MRPS28: variants seen among roughly 807,000 people sequenced by gnomAD.
MRPS28 encodes small ribosomal subunit protein bS1m.
A neutral mutation model predicts 10.8 loss-of-function variants in MRPS28; 7 were observed. The observed-to-expected ratio is 0.65, with a 90% CI of 0.37 to 1.22. The LOEUF (loss-of-function observed/expected upper bound fraction) is 1.22. MRPS28 is among the 50% of genes most tolerant of loss of function. The pLI is 0.02. For synonymous variants in MRPS28, 121 were observed against 93.3 expected, an observed-to-expected ratio of 1.30 and a Z score of -1.71; for missense variants, 265 against 232.9, an observed-to-expected ratio of 1.14 and a Z score of -0.90.
intron 1 of MRPS28, among the ~76,000 whole-genome samples, chr8:80,004,241 G>C (rs1563539804): frequency 6.6e-6 from 1 of 152,198 alleles, no homozygotes; most frequent in Non-Finnish European, 1.5e-5. Flanking sequence ...CCCCCAAGTA[G>C]GGGCAGACTG....
At chr8:79,954,713 G>A (rs191697019) in intron 2 of MRPS28, among the ~76,000 whole-genome samples, 258 of 152,296 alleles carry the variant, frequency 1.7e-3, no homozygotes, top group African/African-American at 5.3e-3. Context: ...TGAAAACTTT[G>A]TGGGCTTTTT....
chr8:79,999,224 G>A (rs942042308), intron 2 of MRPS28, among the ~76,000 whole-genome samples: 7 of 152,206 alleles, frequency 4.6e-5, no homozygotes, highest in Non-Finnish European at 7.4e-5. Context: ...CAGAGAACAC[G>A]TGTCCAGCCC....
intron 2 of MRPS28, among the ~76,000 whole-genome samples, chr8:79,932,282 G>A (rs1563519386): frequency 6.6e-6 from 1 of 152,132 alleles, no homozygotes; most frequent in Admixed American, 6.5e-5. Context: ...TAAAAATAAA[G>A]TGATATGTTA....
At chr8:79,969,774 G>T (rs1404515082) in intron 2 of MRPS28, among the ~76,000 whole-genome samples, 1 of 152,116 alleles carries the variant, frequency 6.6e-6, no homozygotes, top group South Asian at 2.1e-4. Flanking sequence ...TTACGGTTAT[G>T]TAAGGTAAGA....
chr8:79,920,449 C>A (rs1019637721), intron 2 of MRPS28, among the ~76,000 whole-genome samples: 2 of 152,152 alleles, frequency 1.3e-5, no homozygotes, highest in African/African-American at 4.8e-5. Context: ...CTCTCCAGCA[C>A]CTGTTGTTTC....
At chr8:79,983,078 T>G (rs1157232248) in intron 2 of MRPS28, among the ~76,000 whole-genome samples, 1 of 151,462 alleles carries the variant, frequency 6.6e-6, no homozygotes, top group Non-Finnish European at 1.5e-5. Context: ...AGACAAAACT[T>G]TCAGAGGAAC....
intron 2 of MRPS28, among the ~76,000 whole-genome samples, chr8:79,978,738 AG>A (rs1317970720): frequency 1.3e-5 from 2 of 152,230 alleles, no homozygotes; most frequent in Admixed American, 6.5e-5. Context: ...ATAAATACGC[AG>A]TTTCCAAGAA....
At chr8:79,941,580 C>G (rs1306310843) in intron 2 of MRPS28, among the ~76,000 whole-genome samples, 2 of 152,114 alleles carry the variant, frequency 1.3e-5, no homozygotes, top group African/African-American at 4.8e-5. Context: ...AATTTCCTGT[C>G]CCTAGTCCTT....
chr8:79,979,356 A>G (rs574451025), intron 2 of MRPS28, among the ~76,000 whole-genome samples: 2 of 152,300 alleles, frequency 1.3e-5, no homozygotes, highest in African/African-American at 2.4e-5. Flanking sequence ...AGCAGCCACA[A>G]TGAAAAAGTT....
intron 2 of MRPS28, among the ~76,000 whole-genome samples, chr8:79,950,295 T>C (rs1414382708): frequency 6.6e-6 from 1 of 152,192 alleles, no homozygotes; most frequent in Non-Finnish European, 1.5e-5. Context: ...TGGTCTTCAA[T>C]GCATTCTCTA....
At chr8:79,999,424 T>C (rs1159233703) in intron 2 of MRPS28, among the ~76,000 whole-genome samples, 1 of 152,228 alleles carries the variant, frequency 6.6e-6, no homozygotes, top group African/African-American at 2.4e-5. Flanking sequence ...GTAACCAAAA[T>C]AGTAATTATG....
chr8:79,927,113 A>G (rs1026788806), intron 2 of MRPS28, among the ~76,000 whole-genome samples: 2 of 152,242 alleles, frequency 1.3e-5, no homozygotes, highest in African/African-American at 2.4e-5. Context: ...TGTGTTTTAA[A>G]TATCAGCTAT....
At position 79,966,207 on chromosome 8, in the gene MRPS28, T is replaced by C. The variant is rs139705454; in HGVS notation, c.395+36792A>G. Among the ~76,000 whole-genome samples the C allele has an allele frequency of 7.9e-5, 12 of 152,134 alleles. No homozygotes were observed. In the East Asian group the frequency reaches 2.3e-3, roughly 29 times the overall value. ...ACAAATCAAAAAATAAACAGAACACTGAAGCTGGGTTTTGCAGAACTTGAG... is the reference window on the plus strand; with the variant it reads ...ACAAATCAAAAAATAAACAGAACACCGAAGCTGGGTTTTGCAGAACTTGAG... On this transcript the variant is annotated intron_variant, in intron 2 of 2. Transcript: ENST00000276585.
intron 2 of MRPS28, among the ~76,000 whole-genome samples, chr8:79,995,538 C>T (rs186848731): frequency 1.1e-3 from 172 of 152,248 alleles, no homozygotes; most frequent in African/African-American, 3.9e-3. Context: ...CCAAAACACT[C>T]GGCACCTTGA....
At chr8:80,021,088 C>T (rs868175277) in intron 1 of MRPS28, among the ~76,000 whole-genome samples, 4 of 151,768 alleles carry the variant, frequency 2.6e-5, no homozygotes, top group African/African-American at 2.4e-5. Flanking sequence ...CTGCAACCTC[C>T]GCCTCCCATG....
intron 2 of MRPS28, among the ~76,000 whole-genome samples, chr8:79,971,671 ATG>A (rs1807637697): frequency 6.6e-6 from 1 of 152,166 alleles, no homozygotes; most frequent in South Asian, 2.1e-4. Context: ...AGATTCAGAC[ATG>A]TTGTATCACG....
intron 2 of MRPS28, among the ~76,000 whole-genome samples, chr8:79,937,022 C>T (rs528189333): frequency 6.6e-5 from 10 of 151,934 alleles, no homozygotes; most frequent in Admixed American, 5.9e-4. Flanking sequence ...CACCACGCCC[C>T]GCTAATTTTT....
chr8:79,992,765 T>G (rs1308448444), intron 2 of MRPS28, among the ~76,000 whole-genome samples: 1 of 152,198 alleles, frequency 6.6e-6, no homozygotes, highest in Admixed American at 6.5e-5. Flanking sequence ...AGAAGCTACT[T>G]TAGCTCACAT....
At chr8:79,965,636 A>C (rs1807486194) in intron 2 of MRPS28, among the ~76,000 whole-genome samples, 1 of 152,120 alleles carries the variant, frequency 6.6e-6, no homozygotes, top group South Asian at 2.1e-4. Flanking sequence ...TCATCACTAC[A>C]CAGCTATAAT....
Sources: gnomAD v4.1 joint callset for allele counts (sites outside exome capture counted in the v4.1 genomes callset) on GRCh38, gnomAD v4.1.1 for gene constraint, MANE v1.5 for transcripts, NCBI Gene and HGNC (gene_info 2026-07-23, HGNC 2026-07-21) for gene names.